MYO3B: variants seen among roughly 807,000 people sequenced by gnomAD.
MYO3B encodes myosin-IIIb.
Under a neutral mutation model 174.6 loss-of-function variants are expected in MYO3B, and 156 were observed. That is an observed-to-expected ratio of 0.89 (90% CI 0.78 to 1.02). The LOEUF (loss-of-function observed/expected upper bound fraction) is 1.02. MYO3B is among the 50% of genes least tolerant of loss of function. The probability of loss-of-function intolerance (pLI) is 0.00; values close to 1 mark genes in which losing one functional copy is unlikely to be tolerated. For synonymous variants in MYO3B, 563 were observed against 569.1 expected (o/e 0.99, Z 0.15); for missense variants, 1,632 against 1,639.4 (o/e 1.00, Z 0.08).
At chr2:170,263,277 G>C (rs941420373) in intron 7 of MYO3B, among the ~76,000 whole-genome samples, 1 of 152,170 alleles carries the variant, frequency 6.6e-6, no homozygotes, top group Non-Finnish European at 1.5e-5. Context: ...AATTGGGCTG[G>C]GTTGGAAGGT....
chr2:170,382,485 A>C, intron 10 of MYO3B: 1 of 174,292 alleles, frequency 5.7e-6, no homozygotes. Context: ...GGAAATAGTG[A>C]AGTTAATATA....
intron 32 of MYO3B, among the ~76,000 whole-genome samples, chr2:170,648,680 A>G (rs1202839757): frequency 7.6e-4 from 88 of 115,148 alleles, no homozygotes; most frequent in Admixed American, 1.5e-3. Flanking sequence ...TATATAATAT[A>G]TATTATATTC....
intron 32 of MYO3B, among the ~76,000 whole-genome samples, chr2:170,630,469 C>G (rs751900270): frequency 5.3e-5 from 8 of 152,186 alleles, no homozygotes; most frequent in Non-Finnish European, 1.2e-4. Flanking sequence ...CCTCTGGAGG[C>G]AGGGCATAGC....
intron 30 of MYO3B, among the ~76,000 whole-genome samples, chr2:170,525,858 T>A (rs928034219): frequency 6.6e-6 from 1 of 152,078 alleles, no homozygotes; most frequent in Non-Finnish European, 1.5e-5. Flanking sequence ...TTGACGAACA[T>A]TGTGTGTGAG....
chr2:170,630,721 A>C (rs1051375036), intron 32 of MYO3B, among the ~76,000 whole-genome samples: 15 of 152,292 alleles, frequency 9.8e-5, no homozygotes, highest in African/African-American at 3.6e-4. Context: ...AGGCAGCAAC[A>C]TTTGCTGTTC....
chr2:170,620,494 A>T (rs982701298), intron 32 of MYO3B, among the ~76,000 whole-genome samples: 8 of 152,164 alleles, frequency 5.3e-5, no homozygotes, highest in African/African-American at 1.9e-4. Context: ...AGGGTCTGAG[A>T]TTTTACCCTG....
At chr2:170,383,262 A>G (rs1282356432) in intron 11 of MYO3B, 73 bp downstream of exon 11, 5 of 904,328 alleles carry the variant, frequency 5.5e-6, no homozygotes, top group Non-Finnish European at 9.0e-6. Context: ...GAAGAGAAAG[A>G]AAAAGTAAGA....
chr2:170,392,650 C>T (rs1309103562), intron 16 of MYO3B, among the ~76,000 whole-genome samples, 155 bp downstream of exon 16: 2 of 152,144 alleles, frequency 1.3e-5, no homozygotes, highest in Non-Finnish European at 2.9e-5. Flanking sequence ...GTCCCAGGAC[C>T]AGAAACATTG....
intron 32 of MYO3B, among the ~76,000 whole-genome samples, chr2:170,631,797 G>T (rs1052335102): frequency 6.6e-6 from 1 of 152,166 alleles, no homozygotes; most frequent in Non-Finnish European, 1.5e-5. Context: ...TAAAGGGATG[G>T]AGGAAGATCT....
At position 170,178,151 on chromosome 2, in the gene MYO3B, C is replaced by T. The variant is rs964196251; in HGVS notation, c.-137C>T. The T allele has an allele frequency of 1.5e-5, 16 of 1,071,378 alleles. No homozygotes were observed. Among genetic ancestry groups the T allele is most frequent in the African/African-American group, 6.2e-5 (4 of 64,218 alleles). 66.4% of individuals were successfully genotyped at this position (1,071,378 alleles called of 1,614,324 possible). A position where few individuals can be genotyped will look rare whatever the true frequency, so the allele number is the denominator to read the frequency against. ...GGCTAACACCTCTTGGAACCTAGAT[C>T]GAAAGTCCTTTGGTAATGATGTGTC... is the stretch of plus-strand genomic sequence containing the variant. On this transcript the variant is annotated 5_prime_UTR_variant, in exon 1 of 35. Transcript: ENST00000408978.
chr2:170,551,388 T>A (rs1301428943), intron 32 of MYO3B, among the ~76,000 whole-genome samples: 1 of 25,580 alleles, frequency 3.9e-5, no homozygotes. Flanking sequence ...TTATTTATTT[T>A]TAGGTGGAGT....
intron 7 of MYO3B, among the ~76,000 whole-genome samples, chr2:170,320,473 T>A (rs1317779554): frequency 1.3e-5 from 2 of 152,208 alleles, no homozygotes; most frequent in African/African-American, 4.8e-5. Flanking sequence ...TGAACCTATC[T>A]CATTTTGTGA....
chr2:170,304,853 A>AT (rs1169652453), intron 7 of MYO3B, among the ~76,000 whole-genome samples: 3 of 148,218 alleles, frequency 2.0e-5, no homozygotes, highest in Non-Finnish European at 4.5e-5. Flanking sequence ...TGTCACAGGT[A>AT]TTTTTTTCCC....
rs568504802 is a variant in MYO3B at position 170,627,963 on chromosome 2, G to T, written c.3734-23665G>T. 3.9e-5 allele frequency among the ~76,000 whole-genome samples: 6 copies of T among 152,264 alleles called. No homozygotes were observed. In the East Asian group the frequency reaches 5.8e-4, roughly 15 times the overall value. ...TGTGACATGTCAGTCTGCCCCTACTGGGGGGTGCCTCCCAGTTAGGCTACT... is the reference window on the plus strand; with the variant it reads ...TGTGACATGTCAGTCTGCCCCTACTTGGGGGTGCCTCCCAGTTAGGCTACT... On this transcript the variant is annotated intron_variant, in intron 32 of 34. Coordinates refer to ENST00000408978, the MANE Select transcript of MYO3B (RefSeq NM_138995.5).
chr2:170,310,216 T>C (rs960773155), intron 7 of MYO3B, among the ~76,000 whole-genome samples: 1 of 152,162 alleles, frequency 6.6e-6, no homozygotes, highest in Non-Finnish European at 1.5e-5. Flanking sequence ...CTCTGTAAAA[T>C]ATTTGAAGAG....
At chr2:170,186,871 T>C (rs2092470890) in intron 1 of MYO3B, among the ~76,000 whole-genome samples, 1 of 152,160 alleles carries the variant, frequency 6.6e-6, no homozygotes, top group African/African-American at 2.4e-5. Flanking sequence ...GTCTAGGAAC[T>C]TACCCATTTA....
chr2:170,544,496 C>T (rs2106208457), intron 32 of MYO3B, among the ~76,000 whole-genome samples: 1 of 152,236 alleles, frequency 6.6e-6, no homozygotes, highest in South Asian at 2.1e-4. Context: ...GCAGCTAAAA[C>T]CAGTGCTTCT....
At chr2:170,571,984 G>A (rs1042634147) in intron 32 of MYO3B, among the ~76,000 whole-genome samples, 5 of 152,152 alleles carry the variant, frequency 3.3e-5, no homozygotes, top group Admixed American at 3.3e-4. Flanking sequence ...AACATCAGTG[G>A]TCAGATGATA....
At position 170,397,442 on chromosome 2, in the gene MYO3B, C is replaced by T. The variant is rs140844602; in HGVS notation, c.1792-2746C>T. Among the ~76,000 whole-genome samples, 575 of 152,212 alleles carry T rather than the reference C, an allele frequency of 3.8e-3. 3 individuals are homozygous for T. Among genetic ancestry groups the T allele is most frequent in the African/African-American group, 0.013 (522 of 41,534 alleles). On this transcript the variant is annotated intron_variant, in intron 16 of 34. Transcript: ENST00000408978. ...TTTTTGTGAAAGTACTTTTCTCTGTCTATAAGCATAAAATGCAAAATTTTC... is the reference window on the plus strand; with the variant it reads ...TTTTTGTGAAAGTACTTTTCTCTGTTTATAAGCATAAAATGCAAAATTTTC...
Sources: allele counts gnomAD v4.1 joint callset (sites outside exome capture counted in the v4.1 genomes callset), GRCh38; gene constraint gnomAD v4.1.1; transcripts MANE v1.5; gene names NCBI Gene and HGNC (gene_info 2026-07-23, HGNC 2026-07-21).